The following DLGAP1 variants were observed in gnomAD, a reference collection of about 807,000 sequenced individuals.
DLGAP1 encodes the protein disks large-associated protein 1.
In DLGAP1, 11 loss-of-function variants were observed where a neutral mutation model predicts 90.8. That is an observed-to-expected ratio of 0.12 (90% CI 0.08 to 0.20). The LOEUF (loss-of-function observed/expected upper bound fraction) is 0.20, where lower values mean the gene tolerates loss of function less well. Among genes scored for constraint, DLGAP1 ranks in the 10% least tolerant of loss-of-function variants. The pLI, the probability that DLGAP1 is intolerant of heterozygous loss-of-function variation, is 1.00. For missense variants in DLGAP1, 1,050 were observed against 1,333.8 expected (o/e 0.79, Z 3.31); for synonymous variants, 558 against 540.7 (o/e 1.03, Z -0.44).
intron 1 of DLGAP1, among the ~76,000 whole-genome samples, chr18:4,197,992 C>T (rs968297502): frequency 1.7e-4 from 26 of 152,156 alleles, no homozygotes; most frequent in Middle Eastern, 3.4e-3. Flanking sequence ...GAGGCTGAGG[C>T]GGGCGGATCA....
At chr18:4,189,743 A>G (rs1210948823) in intron 1 of DLGAP1, among the ~76,000 whole-genome samples, 1 of 152,204 alleles carries the variant, frequency 6.6e-6, no homozygotes, top group Non-Finnish European at 1.5e-5. Context: ...AAGACAGTAC[A>G]GTATTCATGA....
chr18:3,853,108 C>T (rs985677721), intron 4 of DLGAP1, among the ~76,000 whole-genome samples: 8 of 151,874 alleles, frequency 5.3e-5, no homozygotes, highest in African/African-American at 1.7e-4. Flanking sequence ...TTAATAGGGT[C>T]TGGTCTTTTT....
rs145470828 is a variant in DLGAP1 at position 3,969,535 on chromosome 18, G to C, written c.-73+35581C>G. On this transcript the variant is annotated intron_variant, in intron 3 of 12. Coordinates refer to ENST00000315677, the MANE Select transcript of DLGAP1 (RefSeq NM_004746.4). The stretch of plus-strand genomic sequence containing the variant: ...TATACACAGAAAGACAGTGGTTTAA[G>C]ACCTTATTTGTAAAAGAGATCCAGA... 4.2e-4 allele frequency among the ~76,000 whole-genome samples: 64 copies of C among 152,270 alleles called. No individual in the cohort carries two copies. In the East Asian group the frequency reaches 8.5e-3, roughly 20 times the overall value.
Position 3,499,236 on chromosome 18 carries a change from C to G in DLGAP1, c.2883G>C (p.Glu961Asp), listed in dbSNP as rs1316540618. The G allele has an allele frequency of 1.3e-6, 2 of 1,597,656 alleles. No individual in the cohort carries two copies. Among genetic ancestry groups the G allele is most frequent in the South Asian group, 2.2e-5 (2 of 89,594 alleles). Residue 961 changes from glutamate (E) to aspartate (D), a missense_variant, in exon 13 of 13, where the codon GAG becomes GAC. By Grantham distance (45) the Glu-to-Asp change is conservative. Transcript: ENST00000315677. This position sits in a 1 kb window ranked among gnomAD's most constrained non-coding sequence, Gnocchi z 6.4. ...AASVRQNSAT[E>D]SAESIEIYIP... ...TGTAGATCTCGATGCTCTCGGCGCT[C>G]TCGGTGGCCGAGTTCTGGCGGACGG...
At chr18:3,702,616 T>C (rs746655840) in intron 7 of DLGAP1, among the ~76,000 whole-genome samples, 2 of 152,164 alleles carry the variant, frequency 1.3e-5, no homozygotes, top group East Asian at 1.9e-4. Flanking sequence ...TGGGATCCTA[T>C]ATGTATCATC....
chr18:4,396,458 C>G (rs772860654), intron 1 of DLGAP1, among the ~76,000 whole-genome samples: 1 of 152,110 alleles, frequency 6.6e-6, no homozygotes, highest in Non-Finnish European at 1.5e-5. Context: ...GTTATTCTCA[C>G]GAATTACGGT....
At chr18:3,652,833 C>T (rs2059361685) in intron 7 of DLGAP1, among the ~76,000 whole-genome samples, 1 of 152,234 alleles carries the variant, frequency 6.6e-6, no homozygotes, top group Non-Finnish European at 1.5e-5. Flanking sequence ...ACACAGAACA[C>T]ATGCTGCTTA....
At position 4,090,918 on chromosome 18, in the gene DLGAP1, A is replaced by G. The variant is rs566814757; in HGVS notation, c.-159+60262T>C. Among the ~76,000 whole-genome samples, 11 of 152,368 alleles carry G rather than the reference A, an allele frequency of 7.2e-5. No individual in the cohort carries two copies. The South Asian group carries it at 2.3e-3, about 32-fold the overall frequency. On this transcript the variant is annotated intron_variant, in intron 2 of 12. Transcript: ENST00000315677. ...CATGGAATACTATGCAGCCATAAAA[A>G]AGAATGAGACCACATCCTTTGCAGG...
intron 2 of DLGAP1, among the ~76,000 whole-genome samples, chr18:4,063,135 G>A (rs1051332408): frequency 6.6e-6 from 1 of 152,090 alleles, no homozygotes; most frequent in Admixed American, 6.6e-5. Context: ...TCCAAAAGGA[G>A]AGTTTTTCTT....
chr18:3,742,303 C>T (rs765415204), intron 6 of DLGAP1, 32 bp downstream of exon 6: 12 of 1,604,648 alleles, frequency 7.5e-6, no homozygotes, highest in Admixed American at 1.7e-5. Context: ...CCACTAATGG[C>T]TCCTGACCAC....
intron 4 of DLGAP1, chr18:3,874,657 C>A: frequency 6.5e-7 from 1 of 1,535,582 alleles, no homozygotes; most frequent in Non-Finnish European, 8.7e-7. Flanking sequence ...GTATAAGAGC[C>A]AACCACATCT....
At chr18:4,117,575 T>C (rs2076083365) in intron 2 of DLGAP1, among the ~76,000 whole-genome samples, 1 of 152,246 alleles carries the variant, frequency 6.6e-6, no homozygotes, top group African/African-American at 2.4e-5. Context: ...TGGTCATAGA[T>C]TGTGCTTAAG....
intron 2 of DLGAP1, among the ~76,000 whole-genome samples, chr18:4,089,272 A>G (rs947235500): frequency 2.0e-5 from 3 of 152,228 alleles, no homozygotes; most frequent in African/African-American, 7.2e-5. Context: ...TTCGAGGACA[A>G]CTACAAATCA....
At chr18:4,242,037 T>A (rs2078546037) in intron 1 of DLGAP1, among the ~76,000 whole-genome samples, 1 of 152,182 alleles carries the variant, frequency 6.6e-6, no homozygotes, top group Non-Finnish European at 1.5e-5. Flanking sequence ...AAATGATACA[T>A]TATTTTGCTT....
At chr18:3,999,736 C>T (rs1465573190) in intron 3 of DLGAP1, among the ~76,000 whole-genome samples, 1 of 152,068 alleles carries the variant, frequency 6.6e-6, no homozygotes, top group Admixed American at 6.5e-5. Flanking sequence ...AGTGGCCCTT[C>T]ACTACAGAGT....
At chr18:3,566,903 C>T (rs2145115500) in intron 9 of DLGAP1, among the ~76,000 whole-genome samples, 1 of 152,068 alleles carries the variant, frequency 6.6e-6, no homozygotes, top group South Asian at 2.1e-4. Context: ...TTCTCATTTA[C>T]AACATGAAAT....
Position 4,391,755 on chromosome 18 carries a change from A to G in DLGAP1, c.-267+63251T>C, listed in dbSNP as rs536483740. 1.4e-4 allele frequency among the ~76,000 whole-genome samples: 21 copies of G among 152,278 alleles called. No homozygotes were observed. The East Asian group carries it at 3.7e-3, about 27-fold the overall frequency. On this transcript the variant is annotated intron_variant, in intron 1 of 12. Transcript: ENST00000315677. ...ACCCTTTGTTAAGGTATGCTCCCAG[A>G]AACGCATGTTCTTGGGCTAAACATT...
chr18:4,184,957 C>T (rs2077267108), intron 1 of DLGAP1, among the ~76,000 whole-genome samples: 1 of 152,116 alleles, frequency 6.6e-6, no homozygotes, highest in East Asian at 1.9e-4. Context: ...GTTCTATGAA[C>T]ACTTTAATAC....
intron 2 of DLGAP1, among the ~76,000 whole-genome samples, chr18:4,017,014 C>T (rs1568353942): frequency 6.6e-6 from 1 of 152,156 alleles, no homozygotes; most frequent in East Asian, 1.9e-4. Context: ...ATCTCCCCAG[C>T]AATATTTTCA....
Sources: gnomAD v4.1 joint callset for allele counts (sites outside exome capture counted in the v4.1 genomes callset) on GRCh38, gnomAD v4.1.1 for gene constraint, Gnocchi (gnomAD v3.1) non-coding constraint, MANE v1.5 for transcripts, NCBI Gene and HGNC (gene_info 2026-07-23, HGNC 2026-07-21) for gene names.